The following MYO3B variants were observed in gnomAD, a reference collection of about 807,000 sequenced individuals.
The protein encoded by MYO3B is myosin-IIIb.
In MYO3B, 156 loss-of-function variants were observed where a neutral mutation model predicts 174.6. The observed-to-expected ratio is 0.89, with a 90% CI of 0.78 to 1.02. MYO3B has a LOEUF of 1.02. Ranked by LOEUF, MYO3B falls within the 50% of genes least tolerant of loss-of-function variation. MYO3B has a pLI of 0.00. For missense variants in MYO3B, 1,632 were observed against 1,639.4 expected (o/e 1.00, Z 0.08); for synonymous variants, 563 against 569.1 (o/e 0.99, Z 0.15).
chr2:170,471,269 C>T (rs751763797), intron 25 of MYO3B, among the ~76,000 whole-genome samples: 17 of 151,988 alleles, frequency 1.1e-4, no homozygotes, highest in Non-Finnish European at 1.9e-4. Flanking sequence ...AGGGTGGTCT[C>T]GAACTCCTGA....
intron 28 of MYO3B, among the ~76,000 whole-genome samples, chr2:170,508,162 C>T (rs1003275765): frequency 6.6e-6 from 1 of 152,068 alleles, no homozygotes. Context: ...TCAGAGGACG[C>T]CAGGGTTAGA....
chr2:170,633,512 T>C (rs1337537743), intron 32 of MYO3B, among the ~76,000 whole-genome samples: 1 of 152,186 alleles, frequency 6.6e-6, no homozygotes, highest in East Asian at 1.9e-4. Context: ...ACAGCCAGTA[T>C]CATACTGAAT....
chr2:170,230,700 T>TA (rs1161619166), intron 6 of MYO3B, among the ~76,000 whole-genome samples: 3 of 152,118 alleles, frequency 2.0e-5, no homozygotes, highest in Non-Finnish European at 4.4e-5. Context: ...TTAGAAAACA[T>TA]AAAAGATCTT....
chr2:170,580,968 G>T (rs773868120), intron 32 of MYO3B, among the ~76,000 whole-genome samples: 1 of 151,902 alleles, frequency 6.6e-6, no homozygotes, highest in South Asian at 2.1e-4. Context: ...TATAAATGAC[G>T]CTGTGATGGA....
intron 32 of MYO3B, among the ~76,000 whole-genome samples, chr2:170,554,425 A>T (rs1005535307): frequency 2.0e-5 from 3 of 152,132 alleles, no homozygotes. Context: ...TTCTGACTCT[A>T]TTGGAGGAGC....
At chr2:170,347,040 C>T (rs2094021800) in intron 8 of MYO3B, among the ~76,000 whole-genome samples, 2 of 151,952 alleles carry the variant, frequency 1.3e-5, no homozygotes, top group African/African-American at 4.8e-5. Flanking sequence ...TTCATTTAGC[C>T]AATGAAAGCA....
chr2:170,323,910 C>G (rs2093846772), intron 7 of MYO3B, among the ~76,000 whole-genome samples: 1 of 152,128 alleles, frequency 6.6e-6, no homozygotes, highest in Non-Finnish European at 1.5e-5. Context: ...AGGGGGAGAC[C>G]CATGAATCAG....
chr2:170,640,002 C>T (rs924626884), intron 32 of MYO3B, among the ~76,000 whole-genome samples: 1 of 152,182 alleles, frequency 6.6e-6, no homozygotes, highest in African/African-American at 2.4e-5. Flanking sequence ...TCCTTTTGTC[C>T]AGTGAATACT....
At position 170,499,634 on chromosome 2, in the gene MYO3B, G is replaced by A; in HGVS notation, c.3127-12G>A. ...ACCCATATGTAATGCTAAAACTACTGTCTCGTTTCAGGTTTTTCTCAAATA... is the reference window on the plus strand; with the variant it reads ...ACCCATATGTAATGCTAAAACTACTATCTCGTTTCAGGTTTTTCTCAAATA... On this transcript the variant is annotated splice_polypyrimidine_tract_variant and intron_variant, in intron 26 of 34. Transcript: ENST00000408978. The A allele has an allele frequency of 2.5e-6, 4 of 1,613,560 alleles. No individual in the cohort carries two copies. The highest frequency in any genetic ancestry group is 3.4e-6 in the Non-Finnish European group (4 of 1,179,676).
intron 8 of MYO3B, chr2:170,343,471 G>T (rs2093992870): frequency 6.6e-6 from 1 of 151,836 alleles, no homozygotes; most frequent in Non-Finnish European, 1.5e-5. Context: ...TCACTTCTTT[G>T]CTCTGCAAAC....
chr2:170,431,461 G>A (rs1386670342), intron 22 of MYO3B, among the ~76,000 whole-genome samples: 2 of 152,206 alleles, frequency 1.3e-5, no homozygotes, highest in Admixed American at 6.5e-5. Flanking sequence ...AAAGGAAGGA[G>A]TTAACTATTT....
At chr2:170,214,310 A>T in intron 3 of MYO3B, 69 bp from the exon 4 acceptor site, 1 of 1,333,352 alleles carries the variant, frequency 7.5e-7, no homozygotes, top group Non-Finnish European at 1.1e-6. Context: ...GGCTTTTCTT[A>T]ATTTCTTTTT....
chr2:170,417,053 T>A (rs1258004206), intron 22 of MYO3B, among the ~76,000 whole-genome samples: 1 of 152,104 alleles, frequency 6.6e-6, no homozygotes, highest in Admixed American at 6.6e-5. Context: ...CTCAATCTCC[T>A]GACCTCGTGA....
chr2:170,648,555 G>T (rs116576492), intron 32 of MYO3B, among the ~76,000 whole-genome samples: 2 of 150,028 alleles, frequency 1.3e-5, no homozygotes. Context: ...CGCTTGAGGC[G>T]GAGGCTACAG....
intron 32 of MYO3B, among the ~76,000 whole-genome samples, chr2:170,630,036 T>C (rs1696811118): frequency 6.6e-6 from 1 of 152,194 alleles, no homozygotes; most frequent in South Asian, 2.1e-4. Flanking sequence ...AGGTACCTGC[T>C]TCATCTCATT....
intron 8 of MYO3B, among the ~76,000 whole-genome samples, chr2:170,357,934 C>A (rs771704350): frequency 6.6e-6 from 1 of 152,174 alleles, no homozygotes; most frequent in African/African-American, 2.4e-5. Flanking sequence ...GGGTGGATCA[C>A]CTGAGGTCGG....
chr2:170,387,404 C>T, intron 14 of MYO3B, 96 bp downstream of exon 14: 1 of 1,125,812 alleles, frequency 8.9e-7, no homozygotes, highest in Non-Finnish European at 1.3e-6. Flanking sequence ...TTGTTCTTAA[C>T]ATTCCCCTAC....
intron 25 of MYO3B, among the ~76,000 whole-genome samples, chr2:170,493,877 A>G (rs78228271): frequency 0.063 from 9,653 of 152,222 alleles, 958 homozygotes; most frequent in African/African-American, 0.21. Flanking sequence ...AGTGAGGAAT[A>G]GAATCTTGCC....
At chr2:170,430,145 G>A (rs2094697792) in intron 22 of MYO3B, among the ~76,000 whole-genome samples, 1 of 151,734 alleles carries the variant, frequency 6.6e-6, no homozygotes, top group African/African-American at 2.4e-5. Flanking sequence ...GGTATACTAG[G>A]GGGTACTAGA....
Sources: allele counts gnomAD v4.1 joint callset (sites outside exome capture counted in the v4.1 genomes callset), GRCh38; gene constraint gnomAD v4.1.1; transcripts MANE v1.5; gene names NCBI Gene and HGNC (gene_info 2026-07-23, HGNC 2026-07-21).